The following FOXK2 variants were observed in gnomAD, a reference collection of about 807,000 sequenced individuals.
The protein encoded by FOXK2 is forkhead box protein K2.
Under a neutral mutation model 53.3 loss-of-function variants are expected in FOXK2, and 24 were observed. That is an observed-to-expected ratio of 0.45 (90% confidence interval 0.33 to 0.63). The LOEUF (loss-of-function observed/expected upper bound fraction) is 0.63. Among genes scored for constraint, FOXK2 ranks in the 30% least tolerant of loss-of-function variants. FOXK2 has a pLI of 0.03. For missense variants in FOXK2, 952 were observed against 910.5 expected (o/e 1.05, Z -0.59); for synonymous variants, 505 against 407.1 (o/e 1.24, Z -2.89).
Position 82,563,480 on chromosome 17 carries a change from G to C in FOXK2, c.546G>C (p.Leu182=), listed in dbSNP as rs776280220. The change falls in exon 2 of 9, where the codon CTG becomes CTC. Residue 182 remains leucine (L), a synonymous_variant. Coordinates refer to ENST00000335255, the MANE Select transcript of FOXK2 (RefSeq NM_004514.4). ...CCGTACAGCCACACATCTCGCCCCT[G>C]ACCATCAACATTCCAGACACCATGG... ...VKAVQPHISP[L]TINIPDTMAH... The C allele has an allele frequency of 1.2e-6, 2 of 1,614,082 alleles. No homozygotes were observed. The highest frequency in any genetic ancestry group is 1.7e-6 in the Non-Finnish European group (2 of 1,180,018).
At chr17:82,582,681 A>G (rs2045078388) in intron 4 of FOXK2, 60 bp from the exon 5 acceptor site, 3 of 1,400,240 alleles carry the variant, frequency 2.1e-6, no homozygotes, top group East Asian at 2.4e-5. Flanking sequence ...AAACGAGGAC[A>G]CATTTTTATT....
chr17:82,539,305 TCAGCAC>T (rs1456289140), intron 1 of FOXK2, among the ~76,000 whole-genome samples: 8 of 72,512 alleles, frequency 1.1e-4, no homozygotes, highest in Admixed American at 6.8e-4. Flanking sequence ...GCCCGTAATC[TCAGCAC>T]TGTAAGGTGG....
At chr17:82,533,774 A>T (rs1182758877) in intron 1 of FOXK2, among the ~76,000 whole-genome samples, 2 of 152,054 alleles carry the variant, frequency 1.3e-5, no homozygotes, top group Admixed American at 6.6e-5. Flanking sequence ...TTAGCCGGGC[A>T]TGGTGGTGCC....
At position 82,601,673 on chromosome 17, in the gene FOXK2, C is replaced by A; in HGVS notation, c.*174C>A. The A allele has an allele frequency of 1.7e-6, 1 of 595,924 alleles. No homozygotes were observed. The highest frequency in any genetic ancestry group is 2.9e-6 in the Non-Finnish European group (1 of 346,406). 36.9% of individuals were successfully genotyped at this position (595,924 alleles called of 1,614,324 possible). Reference sequence around the variant, plus strand: ...CTTAAAGACAGAAGTCACACTTGAACAAAACCCACACACAACAAAACCTGA... The same window carrying A: ...CTTAAAGACAGAAGTCACACTTGAAAAAAACCCACACACAACAAAACCTGA... On this transcript the variant is annotated 3_prime_UTR_variant, in exon 9 of 9. Transcript: ENST00000335255.
In FOXK2 at chr17:82,604,586, A is replaced by AT. The variant is rs1483608139; in HGVS notation, c.*3092dup. 1.3e-5 allele frequency: 2 copies of AT among 152,506 alleles called. No individual in the cohort carries two copies. Among genetic ancestry groups the AT allele is most frequent in the Non-Finnish European group, 2.9e-5 (2 of 68,024 alleles). The allele number at this position is 152,506 out of a possible 1,614,324, so 9.4% of individuals were successfully genotyped here. On this transcript the variant is annotated 3_prime_UTR_variant, in exon 9 of 9. Transcript: ENST00000335255. ...CCAAGTTCCTGAAATTCAATAAAATATTTTTATTAATTTTAATGGAATGCA... is the reference window on the plus strand; with the variant it reads ...CCAAGTTCCTGAAATTCAATAAAATATTTTTTATTAATTTTAATGGAATGCA...
At chr17:82,534,695 T>C (rs2044504092) in intron 1 of FOXK2, among the ~76,000 whole-genome samples, 2 of 152,254 alleles carry the variant, frequency 1.3e-5, no homozygotes, top group Admixed American at 1.3e-4. Context: ...CTTTAGTGAC[T>C]GGGTGCCTCA....
chr17:82,577,329 CA>C (rs2045000219), intron 4 of FOXK2: 1 of 821,910 alleles, frequency 1.2e-6, no homozygotes, highest in African/African-American at 1.8e-5. Context: ...CCAACCACAA[CA>C]GCAAATTCAT....
intron 1 of FOXK2, chr17:82,559,526 G>A (rs2044770493): frequency 1.3e-5 from 6 of 456,102 alleles, no homozygotes; most frequent in South Asian, 3.1e-5. Flanking sequence ...CACGTGGGAC[G>A]GGCTGCTCAT....
At chr17:82,520,597 C>G (rs2044351635) in intron 1 of FOXK2, among the ~76,000 whole-genome samples, 1 of 152,244 alleles carries the variant, frequency 6.6e-6, no homozygotes, top group Non-Finnish European at 1.5e-5. Flanking sequence ...TTTCTGGGTT[C>G]TGTGCGTGCG....
chr17:82,541,582 C>T (rs555474269), intron 1 of FOXK2, among the ~76,000 whole-genome samples: 2 of 151,944 alleles, frequency 1.3e-5, no homozygotes, highest in African/African-American at 4.8e-5. Flanking sequence ...AATGTATTAA[C>T]TTGTATCTGT....
Position 82,580,165 on chromosome 17 carries a change from G to A in FOXK2, c.910-2576G>A, listed in dbSNP as rs202126141. On this transcript the variant is annotated intron_variant, in intron 4 of 8. Coordinates refer to ENST00000335255, the MANE Select transcript of FOXK2 (RefSeq NM_004514.4). ...ATGGCCTAGCCCTCCTCTCCATGTC[G>A]CCGGTGAAGTAGCTCCATCCACAGG... 0.011 allele frequency among the ~76,000 whole-genome samples: 997 copies of A among 93,544 alleles called. 66 individuals carry two copies. The East Asian group carries it at 0.13, about 13-fold the overall frequency. The allele number at this position is 93,544 out of a possible 152,430, so 61.4% of individuals were successfully genotyped here.
intron 4 of FOXK2, among the ~76,000 whole-genome samples, chr17:82,581,725 T>G (rs2045063960): frequency 6.6e-6 from 1 of 152,158 alleles, no homozygotes; most frequent in Non-Finnish European, 1.5e-5. Context: ...TCCGCCCGCC[T>G]CGGCCTCCCA....
chr17:82,587,232 G>C lies in FOXK2; in HGVS notation c.1746G>C (p.Val582=), dbSNP rs2045193718. Residue 582 remains valine (V), a synonymous_variant, in exon 8 of 9, where the codon GTG becomes GTC. Coordinates refer to ENST00000335255, the MANE Select transcript of FOXK2 (RefSeq NM_004514.4). ...CTGTAACACAAAACGGCACTCACGT[G>C]GCATCAGTCCCCACTGCGGTCCACG... The part of the protein sequence containing the change: ...IKTVTQNGTH[V]ASVPTAVHGQ... 6.2e-7 allele frequency: 1 copy of C among 1,613,084 alleles called. No individual in the cohort carries two copies.
chr17:82,546,277 C>T (rs187580846), intron 1 of FOXK2, among the ~76,000 whole-genome samples: 146 of 151,788 alleles, frequency 9.6e-4, no homozygotes, highest in Non-Finnish European at 1.0e-3. Context: ...CCACCACTCC[C>T]GCCTAATTTT....
intron 2 of FOXK2, among the ~76,000 whole-genome samples, chr17:82,567,590 C>T (rs2044865879): frequency 6.6e-6 from 1 of 152,212 alleles, no homozygotes; most frequent in Non-Finnish European, 1.5e-5. Flanking sequence ...CACTTCAGCT[C>T]CAGGGGCCTT....
At position 82,577,322 on chromosome 17, in the gene FOXK2, A is replaced by G. The variant is rs562596296; in HGVS notation, c.910-5419A>G. ...CATGATAACGTTCTCTAAATATCCA[A>G]CCACAACAGCAAATTCATCAGAGGT... On this transcript the variant is annotated intron_variant, in intron 4 of 8. Transcript: ENST00000335255. The G allele has an allele frequency of 2.3e-5, 20 of 870,836 alleles. No homozygotes were observed. In the African/African-American group the frequency reaches 2.4e-4, roughly 11 times the overall value. The allele number at this position is 870,836 out of a possible 1,614,324, so 53.9% of individuals were successfully genotyped here.
chr17:82,540,833 A>G (rs1377163884), intron 1 of FOXK2, among the ~76,000 whole-genome samples: 1 of 152,140 alleles, frequency 6.6e-6, no homozygotes, highest in East Asian at 1.9e-4. Flanking sequence ...TCAGTAAGTG[A>G]GCATTTATTA....
In FOXK2 at chr17:82,604,514, A is replaced by C. The variant is rs538736049; in HGVS notation, c.*3015A>C. On this transcript the variant is annotated 3_prime_UTR_variant, in exon 9 of 9. Coordinates refer to ENST00000335255, the MANE Select transcript of FOXK2 (RefSeq NM_004514.4). Reference sequence around the variant, plus strand: ...AGTCCTAACTTCCACTATTCTAGAAAGTATAGTGGTGATTTGTGTGCAAAG... The same window carrying C: ...AGTCCTAACTTCCACTATTCTAGAACGTATAGTGGTGATTTGTGTGCAAAG... 6.5e-6 allele frequency: 1 copy of C among 152,754 alleles called. No individual in the cohort carries two copies. Among genetic ancestry groups the C allele is most frequent in the East Asian group, 1.9e-4 (1 of 5,190 alleles). The allele number at this position is 152,754 out of a possible 1,614,324, so 9.5% of individuals were successfully genotyped here.
intron 1 of FOXK2, among the ~76,000 whole-genome samples, chr17:82,541,277 G>GTTT (rs202234001): frequency 1.4e-5 from 2 of 145,828 alleles, no homozygotes; most frequent in Non-Finnish European, 1.5e-5. Flanking sequence ...ATGATTTACA[G>GTTT]TTTTTTTTTT....
Sources: allele counts gnomAD v4.1 joint callset (sites outside exome capture counted in the v4.1 genomes callset), GRCh38; gene constraint gnomAD v4.1.1; transcripts MANE v1.5; gene names NCBI Gene and HGNC (gene_info 2026-07-23, HGNC 2026-07-21).